WAC: variants seen among roughly 807,000 people sequenced by gnomAD.
WAC encodes the protein WW domain containing adaptor with coiled-coil, also known as WW domain-containing adapter protein with coiled-coil.
WAC carries 11 observed loss-of-function variants against 79.6 expected under a neutral mutation model. That is an observed-to-expected ratio of 0.14 (90% CI 0.09 to 0.23). The LOEUF is 0.23. Ranked by LOEUF, WAC falls within the 10% of genes least tolerant of loss-of-function variation. The probability of loss-of-function intolerance (pLI) is 1.00; values close to 1 mark genes in which losing one functional copy is unlikely to be tolerated. For missense variants in WAC, 728 were observed against 773.5 expected (o/e 0.94, Z 0.70); for synonymous variants, 304 against 276.9 (o/e 1.10, Z -0.97).
In WAC at chr10:28,551,726, T is replaced by TA. The variant is rs889894409; in HGVS notation, c.274+15971dup. Among the ~76,000 whole-genome samples the TA allele has an allele frequency of 3.9e-5, 6 of 151,970 alleles. 1 individual carries two copies. Among genetic ancestry groups the TA allele is most frequent in the Admixed American group, 6.6e-5 (1 of 15,230 alleles). ...TCTGAAATTGTTTTTCAGAAACAGT[T>TA]AATGTTTTGAGAATTGATGTCATTT... On this transcript the variant is annotated intron_variant, in intron 3 of 13. Coordinates refer to ENST00000354911, the MANE Select transcript of WAC (RefSeq NM_016628.5).
intron 3 of WAC, among the ~76,000 whole-genome samples, chr10:28,556,678 A>T (rs536217317): frequency 6.6e-6 from 1 of 151,928 alleles, no homozygotes; most frequent in Non-Finnish European, 1.5e-5. Context: ...TTCTTGTGGG[A>T]GTTCTACAGT....
intron 3 of WAC, among the ~76,000 whole-genome samples, chr10:28,575,308 C>T (rs528171647): frequency 3.6e-4 from 55 of 152,144 alleles, no homozygotes; most frequent in Non-Finnish European, 7.6e-4. Context: ...ATCTTTACGT[C>T]CCCGAGTACC....
intron 3 of WAC, among the ~76,000 whole-genome samples, chr10:28,548,889 T>C (rs1295446571): frequency 6.6e-6 from 1 of 152,184 alleles, no homozygotes; most frequent in Non-Finnish European, 1.5e-5. Context: ...GTAGTTTTTT[T>C]TTGGTTTGGT....
chr10:28,563,744 CTTTTTTTTTTTTTTT>C (rs71281550), intron 3 of WAC, among the ~76,000 whole-genome samples: 36 of 67,914 alleles, frequency 5.3e-4, no homozygotes, highest in Admixed American at 5.0e-3. Flanking sequence ...CTACACCCAG[CTTTTTTTTTTTTTTT>C]TTTTTTTTTT....
At position 28,610,994 on chromosome 10, in the gene WAC, T is replaced by G. The variant is rs1033658591; in HGVS notation, c.1288+173T>G. The G allele has an allele frequency of 1.3e-5, 9 of 687,682 alleles. No homozygotes were observed. In the African/African-American group the frequency reaches 1.6e-4, roughly 12 times the overall value. The allele number at this position is 687,682 out of a possible 1,614,324, so 42.6% of individuals were successfully genotyped here. On this transcript the variant is annotated intron_variant, in intron 9 of 13. Transcript: ENST00000354911. ...ACTGGCATATACAGTAGTATTTTTA[T>G]TTCCTTTCTTTTTAGATGAAGCAAG... is the stretch of plus-strand genomic sequence containing the variant.
chr10:28,568,918 G>C (rs1838797423), intron 3 of WAC, among the ~76,000 whole-genome samples: 1 of 152,138 alleles, frequency 6.6e-6, no homozygotes, highest in Non-Finnish European at 1.5e-5. Flanking sequence ...CAGATAAATA[G>C]TAATTAGAGA....
intron 10 of WAC, among the ~76,000 whole-genome samples, chr10:28,612,761 T>C (rs796515911): frequency 1.6e-4 from 25 of 152,342 alleles, no homozygotes; most frequent in African/African-American, 4.8e-4. Flanking sequence ...TTTAGATTGA[T>C]TTTTAAAATT....
chr10:28,554,934 C>CT (rs1334802131), intron 3 of WAC, among the ~76,000 whole-genome samples: 2 of 152,182 alleles, frequency 1.3e-5, no homozygotes, highest in Non-Finnish European at 2.9e-5. Flanking sequence ...GTTACTTCCT[C>CT]TGTCCTCTCA....
chr10:28,550,824 AT>A (rs1837626195), intron 3 of WAC, among the ~76,000 whole-genome samples: 1 of 152,186 alleles, frequency 6.6e-6, no homozygotes, highest in Non-Finnish European at 1.5e-5. Flanking sequence ...TTTAAAAAAA[AT>A]TGTGTACATA....
intron 4 of WAC, among the ~76,000 whole-genome samples, chr10:28,587,227 A>T (rs576264612): frequency 1.3e-5 from 2 of 152,372 alleles, no homozygotes; most frequent in Non-Finnish European, 2.9e-5. Flanking sequence ...CATATGTAAC[A>T]TCTTTGTGAA....
chr10:28,539,390 T>G (rs992448284), intron 3 of WAC, among the ~76,000 whole-genome samples: 1 of 152,208 alleles, frequency 6.6e-6, no homozygotes, highest in African/African-American at 2.4e-5. Context: ...CCATTAGGAT[T>G]TATTAAAGGA....
chr10:28,604,077 G>A (rs1484690182), intron 7 of WAC, among the ~76,000 whole-genome samples: 1 of 147,448 alleles, frequency 6.8e-6, no homozygotes, highest in East Asian at 2.0e-4. Context: ...TACAAAAGGT[G>A]GTTTATTTTT....
chr10:28,541,413 GTGTTTTGTTTTTTTTTT>G (rs1274947186), intron 3 of WAC, among the ~76,000 whole-genome samples: 1 of 50,738 alleles, frequency 2.0e-5, no homozygotes, highest in Non-Finnish European at 4.2e-5. Flanking sequence ...GTGTGTGTGT[GTGTTTTGTTTTTTTTTT>G]TTTTTTTTTT....
At chr10:28,554,934 C>T (rs1837899408) in intron 3 of WAC, among the ~76,000 whole-genome samples, 1 of 152,182 alleles carries the variant, frequency 6.6e-6, no homozygotes, top group South Asian at 2.1e-4. Flanking sequence ...GTTACTTCCT[C>T]TGTCCTCTCA....
chr10:28,572,312 G>A (rs1202334364), intron 3 of WAC, among the ~76,000 whole-genome samples: 3 of 148,268 alleles, frequency 2.0e-5, no homozygotes, highest in African/African-American at 5.0e-5. Flanking sequence ...ACTCCAGCCT[G>A]GGCAACAGAG....
At chr10:28,559,850 G>A (rs1838206592) in intron 3 of WAC, among the ~76,000 whole-genome samples, 1 of 152,178 alleles carries the variant, frequency 6.6e-6, no homozygotes, top group South Asian at 2.1e-4. Flanking sequence ...TGGGCCTGAT[G>A]AAAGGGTTCA....
intron 3 of WAC, among the ~76,000 whole-genome samples, chr10:28,541,154 A>G (rs1258193456): frequency 6.6e-6 from 1 of 152,082 alleles, no homozygotes; most frequent in East Asian, 1.9e-4. Context: ...AGTATTTAAA[A>G]TTTTTGGTGT....
chr10:28,614,307 G>A (rs987218132), intron 10 of WAC, among the ~76,000 whole-genome samples: 2 of 151,218 alleles, frequency 1.3e-5, no homozygotes, highest in African/African-American at 2.4e-5. Flanking sequence ...GGGTTTCACC[G>A]TGGTCTCGAT....
At chr10:28,591,077 A>G in intron 6 of WAC, 1 of 385,732 alleles carries the variant, frequency 2.6e-6, no homozygotes. Context: ...TTGAATTGCA[A>G]ACAGTAAAAT....
Sources: allele counts gnomAD v4.1 joint callset (sites outside exome capture counted in the v4.1 genomes callset), GRCh38; gene constraint gnomAD v4.1.1; transcripts MANE v1.5; gene names NCBI Gene and HGNC (gene_info 2026-07-23, HGNC 2026-07-21).